Variants in C12orf42 observed in about 807,000 individuals in gnomAD.
C12orf42 encodes chromosome 12 open reading frame 42.
C12orf42 carries 25 observed loss-of-function variants against 21.6 expected under a neutral mutation model. The observed-to-expected ratio is 1.16, with a 90% confidence interval of 0.84 to 1.62. The LOEUF is 1.62. Among genes scored for constraint, C12orf42 ranks in the 40% most tolerant of loss-of-function variants. The probability of loss-of-function intolerance (pLI) is 0.00; values close to 1 mark genes in which losing one functional copy is unlikely to be tolerated. For synonymous variants in C12orf42, 174 were observed against 175.0 expected, an observed-to-expected ratio of 0.99 and a Z score of 0.05; for missense variants, 483 against 459.3, an observed-to-expected ratio of 1.05 and a Z score of -0.47.
intron 4 of C12orf42, among the ~76,000 whole-genome samples, chr12:103,342,721 C>T (rs12817542): frequency 0.062 from 8,662 of 140,700 alleles, 464 homozygotes; most frequent in Admixed American, 0.18. Context: ...AACTTCATGA[C>T]GGAAGCTACA....
chr12:103,176,805 C>A, the C12orf42 span, among the ~76,000 whole-genome samples: 1 of 152,176 alleles, frequency 6.6e-6, no homozygotes, highest in East Asian at 1.9e-4. Context: ...GGGACTCTCT[C>A]AGAACTTAGG....
chr12:103,395,117 G>A (rs73185894), intron 3 of C12orf42, among the ~76,000 whole-genome samples: 614 of 152,280 alleles, frequency 4.0e-3, no homozygotes, highest in Middle Eastern at 0.01. Flanking sequence ...TGGATCTTAC[G>A]TTCTATCATT....
chr12:103,083,361 C>T, the C12orf42 span, among the ~76,000 whole-genome samples: 8 of 151,978 alleles, frequency 5.3e-5, no homozygotes, highest in South Asian at 1.7e-3. Flanking sequence ...AAGACTCTGT[C>T]TCAAAACAAA....
chr12:103,183,766 C>T, the C12orf42 span, among the ~76,000 whole-genome samples: 799 of 152,236 alleles, frequency 5.2e-3, 3 homozygotes, highest in African/African-American at 0.018. Flanking sequence ...TTTATACACT[C>T]GTTTTTATTT....
At chr12:103,515,437 A>C in the C12orf42 span, among the ~76,000 whole-genome samples, 16 of 152,388 alleles carry the variant, frequency 1.0e-4, no homozygotes, top group Non-Finnish European at 2.4e-4. Flanking sequence ...CAGGAAAACA[A>C]AAGCACCTGG....
the C12orf42 span, among the ~76,000 whole-genome samples, chr12:103,119,529 T>C: frequency 2.6e-5 from 4 of 152,168 alleles, no homozygotes; most frequent in Non-Finnish European, 4.4e-5. Flanking sequence ...AAGTGGCTTG[T>C]AAGCGATAAG....
the C12orf42 span, among the ~76,000 whole-genome samples, chr12:103,536,587 C>G: frequency 2.6e-5 from 4 of 152,142 alleles, no homozygotes; most frequent in Non-Finnish European, 4.4e-5. Context: ...CATCCCTCCC[C>G]CAGCCATCAC....
chr12:103,190,193 C>T, the C12orf42 span, among the ~76,000 whole-genome samples: 3 of 152,254 alleles, frequency 2.0e-5, no homozygotes, highest in African/African-American at 7.2e-5. Context: ...CTCTGGGCAA[C>T]CCCTGGAGTC....
intron 4 of C12orf42, among the ~76,000 whole-genome samples, chr12:103,319,464 G>C (rs1378556822): frequency 6.6e-6 from 1 of 152,166 alleles, no homozygotes; most frequent in Non-Finnish European, 1.5e-5. Context: ...TTGAAATTTA[G>C]AGCTTCAACT....
At chr12:103,162,959 C>T in the C12orf42 span, 2 of 152,178 alleles carry the variant, frequency 1.3e-5, no homozygotes, top group Non-Finnish European at 2.9e-5. Flanking sequence ...AGGTGAGATG[C>T]CCTTTCACCA....
intron 3 of C12orf42, among the ~76,000 whole-genome samples, chr12:103,392,311 GA>G (rs1198518580): frequency 1.3e-5 from 2 of 152,030 alleles, no homozygotes; most frequent in Non-Finnish European, 2.9e-5. Flanking sequence ...GGAATCCTTT[GA>G]GTTTCTACAT....
intron 3 of C12orf42, among the ~76,000 whole-genome samples, chr12:103,397,490 G>C (rs1214348813): frequency 1.3e-5 from 2 of 152,126 alleles, no homozygotes; most frequent in Admixed American, 1.3e-4. Context: ...GCATGCGAGG[G>C]ATCAAGGTTG....
At chr12:103,331,287 T>C (rs1008562280) in intron 4 of C12orf42, among the ~76,000 whole-genome samples, 2 of 152,208 alleles carry the variant, frequency 1.3e-5, no homozygotes, top group Non-Finnish European at 2.9e-5. Flanking sequence ...ATATTGTATA[T>C]TATGTCAATA....
intron 3 of C12orf42, among the ~76,000 whole-genome samples, chr12:103,378,077 G>C (rs1193594819): frequency 6.6e-6 from 1 of 151,956 alleles, no homozygotes; most frequent in African/African-American, 2.4e-5. Flanking sequence ...CAAAGCCAGG[G>C]GGAACTAGCC....
chr12:103,149,159 G>T, the C12orf42 span, among the ~76,000 whole-genome samples: 1 of 152,106 alleles, frequency 6.6e-6, no homozygotes, highest in African/African-American at 2.4e-5. Flanking sequence ...GGATTAAATT[G>T]CATCCTCCTC....
At chr12:103,444,427 G>T (rs1951451824) in intron 2 of C12orf42, among the ~76,000 whole-genome samples, 1 of 151,972 alleles carries the variant, frequency 6.6e-6, no homozygotes, top group East Asian at 1.9e-4. Context: ...CATCAATGTG[G>T]CTTATATAAT....
intron 4 of C12orf42, among the ~76,000 whole-genome samples, chr12:103,287,015 C>T (rs2036510640): frequency 6.6e-6 from 1 of 151,542 alleles, no homozygotes; most frequent in Admixed American, 6.6e-5. Flanking sequence ...TACCATCTCA[C>T]ACCAGTTAGA....
chr12:103,278,985 G>A (rs150666516), intron 4 of C12orf42, among the ~76,000 whole-genome samples: 8 of 152,274 alleles, frequency 5.3e-5, no homozygotes, highest in Middle Eastern at 3.4e-3. Flanking sequence ...TTGTCCTTCT[G>A]TGCCTGGCTT....
chr12:103,062,755 C>T, the C12orf42 span, among the ~76,000 whole-genome samples: 1 of 151,948 alleles, frequency 6.6e-6, no homozygotes, highest in South Asian at 2.1e-4. Context: ...GAGTTTGCAG[C>T]ATTCTTTAAA....
Sources: gnomAD v4.1 joint callset for allele counts (sites outside exome capture counted in the v4.1 genomes callset) on GRCh38, gnomAD v4.1.1 for gene constraint, MANE v1.5 for transcripts, NCBI Gene and HGNC (gene_info 2026-07-23, HGNC 2026-07-21) for gene names.